The following SPATA31C1 variants were observed in gnomAD, a reference collection of about 807,000 sequenced individuals.
SPATA31C1 encodes the protein SPATA31 subfamily C member 1, also known as spermatogenesis-associated protein 31C1.
At chr9:87,921,674 G>C in exon 5 of SPATA31C1, 2 of 1,612,058 alleles carry the variant, frequency 1.2e-6, no homozygotes, top group South Asian at 2.2e-5. Context: ...TGGGCAGAAA[G>C]TTGGGCCAGA....
At position 87,920,841 on chromosome 9, in the gene SPATA31C1, G is replaced by A. The variant is rs201907359; in HGVS notation, n.1231G>A. The A allele has an allele frequency of 4.2e-5, 67 of 1,613,610 alleles. No homozygotes were observed. The Admixed American group carries it at 1.1e-3, about 25-fold the overall frequency. ...CATCTTCAACTCGTCAGTCCAGCAA[G>A]ATCATCTTTCCCGCCAAAGGGACAC... On this transcript the variant is annotated non_coding_transcript_exon_variant, in exon 5 of 5. Coordinates refer to ENST00000420021, the Ensembl canonical transcript of SPATA31C1.
exon 5 of SPATA31C1, chr9:87,922,095 T>A (rs1828890126): frequency 3.7e-6 from 6 of 1,613,934 alleles, no homozygotes; most frequent in South Asian, 1.1e-5. Flanking sequence ...GACCAAACCA[T>A]CTGTTCACAT....
chr9:87,919,176 G>C, intron 2 of SPATA31C1, 79 bp from the exon 2 acceptor site: 1 of 1,586,082 alleles, frequency 6.3e-7, no homozygotes, highest in Non-Finnish European at 8.6e-7. Flanking sequence ...GAGCCATGCG[G>C]TTCATGAGTG....
At chr9:87,921,022 C>T (rs752142432) in exon 5 of SPATA31C1, 2 of 1,612,148 alleles carry the variant, frequency 1.2e-6, no homozygotes, top group South Asian at 1.1e-5. Flanking sequence ...GTCCTATCTC[C>T]TGCTTTTCTA....
exon 5 of SPATA31C1, chr9:87,923,305 G>A (rs1828931499): frequency 6.2e-7 from 1 of 1,603,306 alleles, no homozygotes; most frequent in Admixed American, 1.7e-5. Flanking sequence ...CGTCCCAACA[G>A]AGACAGACAA....
exon 5 of SPATA31C1, chr9:87,922,879 C>T (rs769009439): frequency 3.7e-6 from 6 of 1,605,776 alleles, no homozygotes; most frequent in African/African-American, 1.3e-5. Context: ...GGCAGAAAAA[C>T]AGAAGACACC....
At chr9:87,915,959 G>A (rs1417204559) in intron 1 of SPATA31C1, among the ~76,000 whole-genome samples, 1 of 142,592 alleles carries the variant, frequency 7.0e-6, no homozygotes, top group Non-Finnish European at 1.6e-5. Context: ...GTTATTCAGA[G>A]GGATTATTGC....
intron 1 of SPATA31C1, among the ~76,000 whole-genome samples, chr9:87,915,516 G>A (rs1021114551): frequency 6.9e-6 from 1 of 145,402 alleles, no homozygotes; most frequent in African/African-American, 2.5e-5. Flanking sequence ...GGCCAGGCTG[G>A]TCTCAAACTC....
intron 4 of SPATA31C1, 41 bp from the exon 4 acceptor site, chr9:87,920,211 T>C (rs1233577011): frequency 6.2e-7 from 1 of 1,611,124 alleles, no homozygotes; most frequent in East Asian, 2.2e-5. Context: ...TCCGAACCCA[T>C]CTGGCTCCTG....
At chr9:87,920,929 C>T in exon 5 of SPATA31C1, 1 of 1,613,216 alleles carries the variant, frequency 6.2e-7, no homozygotes, top group Non-Finnish European at 8.5e-7. Flanking sequence ...GAGTCCCAAC[C>T]CTTTATTTCA....
At chr9:87,919,050 G>C in intron 2 of SPATA31C1, 3 of 793,656 alleles carry the variant, frequency 3.8e-6, no homozygotes, top group East Asian at 4.8e-5. Context: ...GATTATAGGC[G>C]TGAGCCACCG....
chr9:87,917,084 C>A (rs1828746953), intron 1 of SPATA31C1, among the ~76,000 whole-genome samples: 2 of 136,488 alleles, frequency 1.5e-5, no homozygotes, highest in South Asian at 5.4e-4. Flanking sequence ...TTAAAAAAAT[C>A]TTAATTGTAT....
chr9:87,919,011 C>T (rs1828772316), intron 2 of SPATA31C1: 1 of 483,280 alleles, frequency 2.1e-6, no homozygotes, highest in Non-Finnish European at 3.9e-6. Context: ...CTCAGGTGAT[C>T]CACCTGCCTC....
At chr9:87,920,266 A>C in exon 5 of SPATA31C1, 1 of 1,613,566 alleles carries the variant, frequency 6.2e-7, no homozygotes. Flanking sequence ...CTGGGGCCAC[A>C]CCTTGAAAAA....
intron 1 of SPATA31C1, among the ~76,000 whole-genome samples, chr9:87,917,041 T>C (rs1828745242): frequency 7.9e-6 from 1 of 125,910 alleles, no homozygotes; most frequent in African/African-American, 2.8e-5. Context: ...ACCCCGGAAC[T>C]TAAAATAAAT....
At position 87,922,432 on chromosome 9, in the gene SPATA31C1, T is replaced by C. The variant is rs762210078; in HGVS notation, n.2822T>C. On this transcript the variant is annotated non_coding_transcript_exon_variant, in exon 5 of 5. Transcript: ENST00000420021. ...GCTCCAGGCGCCAGCAAAAGCTCTC[T>C]ACTCCCTAGAATGTCTGTCTCCCAA... 12 of 1,610,276 alleles carry C rather than the reference T, an allele frequency of 7.5e-6. No individual in the cohort carries two copies. In the African/African-American group the frequency reaches 9.4e-5, roughly 13 times the overall value.
At chr9:87,917,019 T>C (rs1447677082) in intron 1 of SPATA31C1, among the ~76,000 whole-genome samples, 1 of 117,704 alleles carries the variant, frequency 8.5e-6, no homozygotes, top group African/African-American at 3.0e-5. Flanking sequence ...AAACTGCAGG[T>C]CCTGCACATG....
intron 3 of SPATA31C1, 148 bp downstream of exon 2, chr9:87,919,496 C>A: frequency 7.7e-7 from 1 of 1,291,398 alleles, no homozygotes; most frequent in East Asian, 2.8e-5. Flanking sequence ...TTCTGTGCCG[C>A]CGGAATGAAG....
chr9:87,916,219 G>C (rs1179840581), intron 1 of SPATA31C1, among the ~76,000 whole-genome samples: 3 of 136,856 alleles, frequency 2.2e-5, no homozygotes, highest in African/African-American at 8.1e-5. Context: ...ACCAATGGTG[G>C]TCAGATATGA....
Sources: allele counts gnomAD v4.1 joint callset (sites outside exome capture counted in the v4.1 genomes callset), GRCh38; gene constraint gnomAD v4.1.1; transcripts MANE v1.5; gene names NCBI Gene and HGNC (gene_info 2026-07-23, HGNC 2026-07-21).